The following SYTL5 variants were observed in gnomAD, a reference collection of about 807,000 sequenced individuals.
SYTL5 encodes the protein synaptotagmin-like protein 5.
SYTL5 carries 34 observed loss-of-function variants against 55.9 expected under a neutral mutation model. That is an observed-to-expected ratio of 0.61 (90% CI 0.46 to 0.81). The LOEUF is 0.81. SYTL5 is among the 30% of genes least tolerant of loss of function. SYTL5 has a pLI of 0.00. For synonymous variants in SYTL5, 221 were observed against 188.7 expected (o/e 1.17, Z -1.40); for missense variants, 637 against 546.7 (o/e 1.17, Z -1.65).
intron 1 of SYTL5, among the ~76,000 whole-genome samples, chrX:38,014,635 A>G (rs1934290789): frequency 8.9e-6 from 1 of 111,827 alleles, no homozygotes; most frequent in African/African-American, 3.2e-5. Context: ...TATAGGTAAG[A>G]TGAACATTGG....
intron 1 of SYTL5, among the ~76,000 whole-genome samples, chrX:38,011,633 C>A (rs868584414): frequency 7.0e-4 from 65 of 92,380 alleles, no homozygotes; most frequent in East Asian, 6.9e-4. Context: ...GACTCCGTCT[C>A]AAAAAAAAAA....
the SYTL5 span, among the ~76,000 whole-genome samples, chrX:37,940,017 G>A: frequency 5.4e-5 from 6 of 110,360 alleles, no homozygotes; most frequent in South Asian, 2.0e-3. Flanking sequence ...TGTATTTTTA[G>A]TAGAGATGAG....
At chrX:37,954,072 A>G in the SYTL5 span, among the ~76,000 whole-genome samples, 2 of 111,391 alleles carry the variant, frequency 1.8e-5, no homozygotes, top group Non-Finnish European at 3.8e-5. Context: ...AAAAAATGAA[A>G]GAATGTAGAT....
chrX:38,030,908 T>G (rs1303013429), intron 1 of SYTL5, among the ~76,000 whole-genome samples: 1 of 112,211 alleles, frequency 8.9e-6, no homozygotes, highest in African/African-American at 3.2e-5. Flanking sequence ...CAAGAGAAAG[T>G]ACTGCCACAT....
intron 12 of SYTL5, among the ~76,000 whole-genome samples, chrX:38,109,816 A>G (rs184324216): frequency 1.7e-3 from 184 of 111,031 alleles, no homozygotes; most frequent in African/African-American, 5.7e-3. Context: ...CTTTCTGTTT[A>G]ATATACATGT....
the SYTL5 span, among the ~76,000 whole-genome samples, chrX:37,894,730 T>TGC: frequency 1.8e-5 from 2 of 111,695 alleles, no homozygotes; most frequent in Non-Finnish European, 3.8e-5. Context: ...TAGGGAAGCT[T>TGC]GCTCTCACCA....
intron 3 of SYTL5, 70 bp downstream of exon 3, chrX:38,054,492 G>C: frequency 1.0e-6 from 1 of 997,441 alleles, no homozygotes. Context: ...GAAGGCAAAA[G>C]AGAAAAAGAG....
the SYTL5 span, among the ~76,000 whole-genome samples, chrX:37,927,593 G>C: frequency 1.8e-5 from 2 of 109,846 alleles, no homozygotes; most frequent in East Asian, 5.7e-4. Flanking sequence ...GGCCAACATA[G>C]TGAAGCCTCG....
the SYTL5 span, among the ~76,000 whole-genome samples, chrX:37,926,319 G>A: frequency 9.1e-6 from 1 of 110,471 alleles, no homozygotes; most frequent in East Asian, 2.8e-4. Flanking sequence ...TTTACAATAC[G>A]ATTGTTTTTT....
chrX:37,948,781 T>A, the SYTL5 span, among the ~76,000 whole-genome samples: 3 of 111,763 alleles, frequency 2.7e-5, no homozygotes, highest in East Asian at 8.4e-4. Flanking sequence ...TCCTTCTTTT[T>A]TATGGCTGAA....
At chrX:38,024,882 T>C (rs1213008495) in intron 1 of SYTL5, among the ~76,000 whole-genome samples, 1 of 111,877 alleles carries the variant, frequency 8.9e-6, no homozygotes, top group African/African-American at 3.2e-5. Flanking sequence ...GGCACTCCCA[T>C]ATAATGTACC....
At chrX:37,947,486 T>A in the SYTL5 span, among the ~76,000 whole-genome samples, 3 of 111,835 alleles carry the variant, frequency 2.7e-5, no homozygotes, top group Non-Finnish European at 5.6e-5. Flanking sequence ...CCCTTCACCC[T>A]CTGCCATGAT....
intron 3 of SYTL5, among the ~76,000 whole-genome samples, 163 bp downstream of exon 3, chrX:38,054,585 T>G (rs746368034): frequency 6.9e-4 from 12 of 17,467 alleles, no homozygotes; most frequent in African/African-American, 5.0e-3. Context: ...GGCTCTGGGG[T>G]GTGTGTGTGT....
chrX:38,062,686 C>T (rs994376305), intron 3 of SYTL5, among the ~76,000 whole-genome samples: 1 of 111,726 alleles, frequency 9.0e-6, no homozygotes, highest in African/African-American at 3.3e-5. Context: ...TGTTGGACAT[C>T]AAGCAGTCTC....
the SYTL5 span, among the ~76,000 whole-genome samples, chrX:37,912,121 T>G: frequency 8.9e-6 from 1 of 112,145 alleles, no homozygotes; most frequent in African/African-American, 3.2e-5. Flanking sequence ...AGGGCTTCTA[T>G]TAAGAATAGA....
chrX:38,113,279 A>G (rs777292231), intron 13 of SYTL5, among the ~76,000 whole-genome samples: 2 of 112,419 alleles, frequency 1.8e-5, no homozygotes, highest in Non-Finnish European at 3.8e-5. Flanking sequence ...CCCAGAGTGT[A>G]CTATTATAAA....
rs370743623 is a variant in SYTL5, at chrX:38,120,438, C to T, written c.1677C>T (p.Asn559=). The change falls in exon 14 of 17, where the codon AAC becomes AAT. Residue 559 remains asparagine (N), a synonymous_variant. Transcript: ENST00000297875. ...TACGTTACATTCCCCCAGAAGAGAA[C>T]CTGATGCTTCCACCAGAACAACTCC... ...VVLRYIPPEE[N]LMLPPEQLQG... 3.3e-6 allele frequency: 4 copies of T among 1,206,545 alleles called. No homozygotes were observed. The highest frequency in any genetic ancestry group is 4.5e-6 in the Non-Finnish European group (4 of 890,839).
At chrX:37,967,130 C>T in the SYTL5 span, among the ~76,000 whole-genome samples, 1 of 111,479 alleles carries the variant, frequency 9.0e-6, no homozygotes, top group Non-Finnish European at 1.9e-5. Flanking sequence ...CGGCTTACGG[C>T]GACCTCTGCC....
At chrX:38,038,070 T>G (rs1048676840) in intron 2 of SYTL5, among the ~76,000 whole-genome samples, 1 of 111,643 alleles carries the variant, frequency 9.0e-6, no homozygotes, top group Non-Finnish European at 1.9e-5. Flanking sequence ...ATTCAGACCT[T>G]CAGCGGGTTA....
Sources: allele counts gnomAD v4.1 joint callset (sites outside exome capture counted in the v4.1 genomes callset), GRCh38; gene constraint gnomAD v4.1.1; transcripts MANE v1.5; gene names NCBI Gene and HGNC (gene_info 2026-07-23, HGNC 2026-07-21).